PCSK2: variants seen among roughly 807,000 people sequenced by gnomAD.
The protein encoded by PCSK2 is proprotein convertase subtilisin/kexin type 2.
Under a neutral mutation model 69.7 loss-of-function variants are expected in PCSK2, and 14 were observed. The observed-to-expected ratio is 0.20, with a 90% CI of 0.13 to 0.31. PCSK2 has a LOEUF of 0.31. PCSK2 is among the 10% of genes least tolerant of loss of function. The pLI is 1.00. For synonymous variants in PCSK2, 307 were observed against 320.7 expected, an observed-to-expected ratio of 0.96 and a Z score of 0.46; for missense variants, 544 against 842.5, an observed-to-expected ratio of 0.65 and a Z score of 4.39.
chr20:17,472,103 T>C (rs1383556815), intron 11 of PCSK2, among the ~76,000 whole-genome samples: 3 of 152,154 alleles, frequency 2.0e-5, no homozygotes, highest in African/African-American at 7.2e-5. Flanking sequence ...CAGCTGTGTG[T>C]AGAATGAGCA....
chr20:17,303,558 T>TAATATGA (rs1989225636), intron 2 of PCSK2, among the ~76,000 whole-genome samples: 1 of 104,116 alleles, frequency 9.6e-6, no homozygotes, highest in Non-Finnish European at 1.8e-5. Flanking sequence ...ATATAATATA[T>TAATATGA]ATTATATAAT....
At chr20:17,261,884 T>C (rs1987401372) in intron 2 of PCSK2, among the ~76,000 whole-genome samples, 2 of 152,206 alleles carry the variant, frequency 1.3e-5, no homozygotes, top group Non-Finnish European at 1.5e-5. Context: ...GCTACTCTTC[T>C]TCCACGATTA....
chr20:17,355,180 A>G (rs1210489098), intron 2 of PCSK2, among the ~76,000 whole-genome samples: 1 of 152,234 alleles, frequency 6.6e-6, no homozygotes, highest in Non-Finnish European at 1.5e-5. Context: ...ATTAGAGCAC[A>G]CTTGGTCTAA....
chr20:17,236,822 G>A (rs1986358404), intron 1 of PCSK2, among the ~76,000 whole-genome samples: 1 of 152,178 alleles, frequency 6.6e-6, no homozygotes, highest in Admixed American at 6.6e-5. Context: ...TCACAGAGGA[G>A]AATGTGGTGA....
chr20:17,278,460 T>G (rs1271560890), intron 2 of PCSK2, among the ~76,000 whole-genome samples: 2 of 152,064 alleles, frequency 1.3e-5, no homozygotes, highest in Admixed American at 6.5e-5. Flanking sequence ...CTCAGCAAAC[T>G]ATTGCAAGGA....
In PCSK2 at chr20:17,481,413, A is replaced by AAG. The variant is rs1555799068; in HGVS notation, c.1431-167_1431-166dup. ...CAAAAAAAAAAAAAAAAAAAAAAAA[A>AAG]AGAGATAAGTAACTTACTCAGGCTC... On this transcript the variant is annotated intron_variant, in intron 11 of 11. Coordinates refer to ENST00000262545, the MANE Select transcript of PCSK2 (RefSeq NM_002594.5). Among the ~76,000 whole-genome samples, 8 of 115,820 alleles carry AAG rather than the reference A, an allele frequency of 6.9e-5. 1 individual carries two copies. Among genetic ancestry groups the AAG allele is most frequent in the South Asian group, 2.7e-4 (1 of 3,772 alleles). 76.0% of individuals were successfully genotyped at this position (115,820 alleles called of 152,430 possible).
At chr20:17,276,794 G>A (rs561796148) in intron 2 of PCSK2, among the ~76,000 whole-genome samples, 12 of 152,240 alleles carry the variant, frequency 7.9e-5, no homozygotes, top group African/African-American at 2.9e-4. Context: ...GTTTGCAGAT[G>A]ACATGATTGT....
chr20:17,458,851 C>T (rs1193479051), intron 10 of PCSK2, among the ~76,000 whole-genome samples: 2 of 152,086 alleles, frequency 1.3e-5, no homozygotes, highest in African/African-American at 4.8e-5. Flanking sequence ...AATATTGCTC[C>T]CATCTCCCAG....
At chr20:17,256,890 T>C (rs1199143287) in intron 1 of PCSK2, among the ~76,000 whole-genome samples, 1 of 152,196 alleles carries the variant, frequency 6.6e-6, no homozygotes, top group Non-Finnish European at 1.5e-5. Context: ...TTTGTTCCTC[T>C]GTTAGTTGAC....
intron 1 of PCSK2, among the ~76,000 whole-genome samples, chr20:17,259,133 T>A (rs1206093463): frequency 6.6e-6 from 1 of 152,102 alleles, no homozygotes; most frequent in Non-Finnish European, 1.5e-5. Context: ...CACATCTGCT[T>A]CCCTTTTCTT....
chr20:17,240,223 G>A (rs1384002467), intron 1 of PCSK2, among the ~76,000 whole-genome samples: 1 of 151,950 alleles, frequency 6.6e-6, no homozygotes, highest in African/African-American at 2.4e-5. Context: ...AAGTCACATG[G>A]CCAAGTTTAG....
intron 5 of PCSK2, among the ~76,000 whole-genome samples, chr20:17,402,757 A>G (rs1467171244): frequency 6.6e-6 from 1 of 151,508 alleles, no homozygotes; most frequent in Admixed American, 6.6e-5. Flanking sequence ...GATCAAGACC[A>G]TCCTGGCTAA....
intron 5 of PCSK2, among the ~76,000 whole-genome samples, chr20:17,396,931 C>T (rs2031524225): frequency 6.6e-6 from 1 of 152,142 alleles, no homozygotes; most frequent in Non-Finnish European, 1.5e-5. Flanking sequence ...TGGAACAAGG[C>T]TGGGAGAATC....
chr20:17,249,047 A>T (rs925769947), intron 1 of PCSK2, among the ~76,000 whole-genome samples: 6 of 152,204 alleles, frequency 3.9e-5, no homozygotes, highest in Non-Finnish European at 4.4e-5. Context: ...CTAAGGTAAC[A>T]CAACCGTGGA....
intron 2 of PCSK2, among the ~76,000 whole-genome samples, chr20:17,344,957 C>CA (rs1555789732): frequency 8.0e-4 from 1 of 1,246 alleles, no homozygotes; most frequent in African/African-American, 1.8e-3. Flanking sequence ...CTTCCTCGAA[C>CA]AATCTCAACC....
At chr20:17,350,894 G>A (rs2029962663) in intron 2 of PCSK2, among the ~76,000 whole-genome samples, 1 of 152,074 alleles carries the variant, frequency 6.6e-6, no homozygotes, top group South Asian at 2.1e-4. Flanking sequence ...ACAAAAATTA[G>A]CCAGGCATGG....
chr20:17,349,497 A>G (rs1020017253), intron 2 of PCSK2, among the ~76,000 whole-genome samples: 10 of 152,166 alleles, frequency 6.6e-5, no homozygotes, highest in African/African-American at 2.4e-4. Flanking sequence ...CACCCCAGAA[A>G]TGCCTCAGAT....
At chr20:17,346,843 A>T (rs1287493111) in intron 2 of PCSK2, among the ~76,000 whole-genome samples, 8 of 152,070 alleles carry the variant, frequency 5.3e-5, no homozygotes, top group Non-Finnish European at 2.9e-5. Context: ...GCTGCAATGC[A>T]CATGTTCCAA....
intron 6 of PCSK2, among the ~76,000 whole-genome samples, chr20:17,419,161 T>G (rs2032067711): frequency 6.6e-6 from 1 of 152,218 alleles, no homozygotes; most frequent in African/African-American, 2.4e-5. Flanking sequence ...TTTCCTTTAT[T>G]AAACTCCACG....
Sources: gnomAD v4.1 joint callset for allele counts (sites outside exome capture counted in the v4.1 genomes callset) on GRCh38, gnomAD v4.1.1 for gene constraint, MANE v1.5 for transcripts, NCBI Gene and HGNC (gene_info 2026-07-23, HGNC 2026-07-21) for gene names.